ZNF451: variants seen among roughly 807,000 people sequenced by gnomAD.
The protein encoded by ZNF451 is E3 SUMO-protein ligase ZNF451.
A neutral mutation model predicts 107.1 loss-of-function variants in ZNF451; 80 were observed. The observed-to-expected ratio is 0.75, with a 90% CI of 0.62 to 0.90. The LOEUF is 0.90. Among genes scored for constraint, ZNF451 ranks in the 40% least tolerant of loss-of-function variants. The pLI is 0.00. For synonymous variants in ZNF451, 362 were observed against 406.5 expected (o/e 0.89, Z 1.32); for missense variants, 1,107 against 1,236.2 (o/e 0.90, Z 1.57).
intron 3 of ZNF451, among the ~76,000 whole-genome samples, chr6:57,120,448 T>C (rs946579879): frequency 3.9e-5 from 6 of 152,324 alleles, no homozygotes; most frequent in African/African-American, 9.6e-5. Context: ...AAGTCCAATA[T>C]GTTTAGTTTT....
intron 9 of ZNF451, among the ~76,000 whole-genome samples, chr6:57,146,150 T>C (rs1342756703): frequency 6.6e-6 from 1 of 152,184 alleles, no homozygotes; most frequent in Non-Finnish European, 1.5e-5. Context: ...GATTTTTTTC[T>C]TGTTAAGTTC....
chr6:57,111,781 A>G (rs1326588551), intron 3 of ZNF451, among the ~76,000 whole-genome samples: 1 of 152,232 alleles, frequency 6.6e-6, no homozygotes, highest in East Asian at 1.9e-4. Flanking sequence ...TTATAGAGAT[A>G]GATGTTGGCA....
chr6:57,092,057 G>C (rs1317502684), intron 2 of ZNF451, among the ~76,000 whole-genome samples: 1 of 152,114 alleles, frequency 6.6e-6, no homozygotes, highest in Non-Finnish European at 1.5e-5. Context: ...ACCATGCGCT[G>C]AAGTATGTTT....
chr6:57,159,487 C>A, intron 13 of ZNF451: 16 of 500,062 alleles, frequency 3.2e-5, no homozygotes, highest in Non-Finnish European at 3.6e-5. Context: ...GAATGTAGCC[C>A]AACACAAATT....
At chr6:57,159,450 G>A in intron 13 of ZNF451, 2 of 953,758 alleles carry the variant, frequency 2.1e-6, no homozygotes, top group Non-Finnish European at 2.5e-6. Context: ...TGTGGCCCAC[G>A]GGCCACATGT....
intron 14 of ZNF451, among the ~76,000 whole-genome samples, chr6:57,166,609 A>T (rs1483732175): frequency 6.6e-6 from 1 of 152,226 alleles, no homozygotes; most frequent in Non-Finnish European, 1.5e-5. Flanking sequence ...AGGATCATCA[A>T]TATCACTTTT....
At chr6:57,098,524 A>G (rs1388862322) in intron 2 of ZNF451, among the ~76,000 whole-genome samples, 1 of 151,976 alleles carries the variant, frequency 6.6e-6, no homozygotes. Flanking sequence ...TTGTCTTATT[A>G]TTATTTTTTA....
chr6:57,145,161 C>G (rs1256291601), intron 9 of ZNF451, among the ~76,000 whole-genome samples: 1 of 151,872 alleles, frequency 6.6e-6, no homozygotes, highest in African/African-American at 2.4e-5. Flanking sequence ...CACAGTTGTT[C>G]TATTTTTTTA....
At chr6:57,091,713 T>G (rs1168037261) in intron 2 of ZNF451, among the ~76,000 whole-genome samples, 1 of 152,220 alleles carries the variant, frequency 6.6e-6, no homozygotes, top group African/African-American at 2.4e-5. Context: ...AAAACGGTTC[T>G]GTCCCCAACT....
intron 3 of ZNF451, among the ~76,000 whole-genome samples, chr6:57,112,018 T>A (rs1467282056): frequency 6.6e-6 from 1 of 152,190 alleles, no homozygotes; most frequent in Non-Finnish European, 1.5e-5. Flanking sequence ...AAAGCTTTGC[T>A]GCTGGAGATG....
At chr6:57,130,073 A>G (rs1831113073) in intron 5 of ZNF451, among the ~76,000 whole-genome samples, 1 of 152,182 alleles carries the variant, frequency 6.6e-6, no homozygotes, top group Non-Finnish European at 1.5e-5. Context: ...TCTTGGGCAC[A>G]AAGACCAAAT....
intron 3 of ZNF451, chr6:57,106,397 C>T: frequency 1.3e-6 from 1 of 764,066 alleles, no homozygotes; most frequent in Non-Finnish European, 1.6e-6. Flanking sequence ...GCAACCGCCA[C>T]CTCCCGGGTT....
At chr6:57,120,405 A>G (rs1196361061) in intron 3 of ZNF451, among the ~76,000 whole-genome samples, 2 of 152,234 alleles carry the variant, frequency 1.3e-5, no homozygotes, top group Non-Finnish European at 2.9e-5. Flanking sequence ...TTGTGTGGAC[A>G]TAAGTTTTCA....
intron 3 of ZNF451, chr6:57,124,506 A>G (rs1327908506): frequency 2.8e-6 from 2 of 714,844 alleles, no homozygotes; most frequent in Admixed American, 4.0e-5. Context: ...TAAGTGAATA[A>G]AGATGATAAA....
intron 3 of ZNF451, chr6:57,104,332 C>T (rs936106383): frequency 2.0e-6 from 2 of 985,258 alleles, no homozygotes; most frequent in African/African-American, 3.5e-5. Context: ...CTGGAGAACT[C>T]AGTGGTGAGA....
In ZNF451 at chr6:57,138,735, ATATATATG is replaced by A. The variant is rs1213573684; in HGVS notation, c.703-2565_703-2558del. Among the ~76,000 whole-genome samples the A allele has an allele frequency of 1.3e-3, 133 of 104,956 alleles. 1 individual carries two copies. In the East Asian group the frequency reaches 0.016, roughly 13 times the overall value. 68.9% of individuals were successfully genotyped at this position (104,956 alleles called of 152,430 possible). Reference sequence around the variant, plus strand: ...TATATATATATATATATATATATATATATATATGTGTGTGTGTGTGTGTGTGTGTGTGT... The same window carrying A: ...TATATATATATATATATATATATATATGTGTGTGTGTGTGTGTGTGTGTGT... On this transcript the variant is annotated intron_variant, in intron 7 of 14. Transcript: ENST00000370706.
intron 3 of ZNF451, chr6:57,100,784 A>G: frequency 1.3e-6 from 2 of 1,549,698 alleles, no homozygotes; most frequent in Non-Finnish European, 1.7e-6. Flanking sequence ...CAGAAAAATG[A>G]TCAAAATAAT....
chr6:57,101,916 A>C (rs1829616918), intron 3 of ZNF451: 3 of 1,550,472 alleles, frequency 1.9e-6, no homozygotes, highest in African/African-American at 1.4e-5. Context: ...ACAATATAAA[A>C]GAAAATGACT....
chr6:57,141,237 G>GT (rs1458638519), intron 7 of ZNF451, 65 bp from the exon 8 acceptor site: 3 of 1,333,540 alleles, frequency 2.2e-6, no homozygotes, highest in African/African-American at 1.5e-5. Flanking sequence ...AATTTTGAAA[G>GT]TTTTTTTCAA....
Sources: gnomAD v4.1 joint callset for allele counts (sites outside exome capture counted in the v4.1 genomes callset) on GRCh38, gnomAD v4.1.1 for gene constraint, MANE v1.5 for transcripts, NCBI Gene and HGNC (gene_info 2026-07-23, HGNC 2026-07-21) for gene names.